GBF1: variants seen among roughly 807,000 people sequenced by gnomAD.
GBF1 encodes the protein Golgi-specific brefeldin A-resistance guanine nucleotide exchange factor 1.
GBF1 carries 114 observed loss-of-function variants against 210.5 expected under a neutral mutation model. The ratio of observed to expected loss-of-function variants is 0.54; its 90% CI spans 0.47 to 0.63. GBF1 has a LOEUF of 0.63. Among genes scored for constraint, GBF1 ranks in the 30% least tolerant of loss-of-function variants. The pLI, the probability that GBF1 is intolerant of heterozygous loss-of-function variation, is 0.00. For missense variants in GBF1, 1,851 were observed against 2,357.7 expected (o/e 0.79, Z 4.45); for synonymous variants, 850 against 889.2 (o/e 0.96, Z 0.78).
chr10:102,261,216 C>T (rs939380402), intron 3 of GBF1, among the ~76,000 whole-genome samples: 2 of 150,708 alleles, frequency 1.3e-5, no homozygotes, highest in African/African-American at 4.9e-5. Context: ...AGAGAATGTA[C>T]ACATTAAGTA....
intron 13 of GBF1, 47 bp from the exon 14 acceptor site, chr10:102,361,671 C>CT (rs940301752): frequency 3.0e-5 from 40 of 1,349,338 alleles, no homozygotes; most frequent in Non-Finnish European, 4.0e-5. Flanking sequence ...CTCTTCCTAT[C>CT]TTGAATCCTT....
At position 102,358,568 on chromosome 10, in the gene GBF1, G is replaced by A; in HGVS notation, c.850G>A (p.Ala284Thr). 1 of 1,614,094 alleles carries A rather than the reference G, an allele frequency of 6.2e-7. No individual in the cohort carries two copies. Among genetic ancestry groups the A allele is most frequent in the Non-Finnish European group, 8.5e-7 (1 of 1,179,958 alleles). Residue 284 changes from alanine (A) to threonine (T), a missense_variant, in exon 10 of 40, where the codon GCA becomes ACA. Transcript: ENST00000369983. ...ISSASSEAAS[A>T]VVSPSTDSGL... ...CTCTGCAAGTTCAGAAGCTGCCTCA[G>A]CAGTGGTCAGTCCCTCTACAGACAG...
chr10:102,258,188 T>A (rs896590211), intron 1 of GBF1, among the ~76,000 whole-genome samples: 2 of 140,330 alleles, frequency 1.4e-5, no homozygotes, highest in African/African-American at 5.2e-5. Context: ...GGAGTTTCAC[T>A]CTTGTTGCCC....
chr10:102,277,779 G>A (rs1275315145), intron 3 of GBF1, among the ~76,000 whole-genome samples: 1 of 151,800 alleles, frequency 6.6e-6, no homozygotes, highest in African/African-American at 2.4e-5. Flanking sequence ...AAGAAATTTA[G>A]CATTGATACA....
chr10:102,262,660 G>A (rs1357644239), intron 3 of GBF1, among the ~76,000 whole-genome samples: 1 of 152,154 alleles, frequency 6.6e-6, no homozygotes, highest in African/African-American at 2.4e-5. Context: ...CACATTTCCT[G>A]CCTGCTACTG....
At chr10:102,238,664 A>G in the GBF1 span, among the ~76,000 whole-genome samples, 1 of 152,236 alleles carries the variant, frequency 6.6e-6, no homozygotes, top group Admixed American at 6.5e-5. Flanking sequence ...CCATTTGCAG[A>G]GGGCCTTCAC....
chr10:102,292,631 G>C (rs1239279258), intron 3 of GBF1, among the ~76,000 whole-genome samples: 1 of 152,178 alleles, frequency 6.6e-6, no homozygotes, highest in Non-Finnish European at 1.5e-5. Context: ...GTCTCCTAAA[G>C]TGCTGGGATT....
chr10:102,267,367 C>T (rs1490027700), intron 3 of GBF1, among the ~76,000 whole-genome samples: 4 of 151,978 alleles, frequency 2.6e-5, no homozygotes, highest in Non-Finnish European at 5.9e-5. Context: ...TAGCCAGGTG[C>T]GGTGGCGCAT....
At chr10:102,360,537 C>A in intron 12 of GBF1, 142 bp downstream of exon 12, 1 of 624,732 alleles carries the variant, frequency 1.6e-6, no homozygotes, top group Non-Finnish European at 2.9e-6. Context: ...TAAGAGGGTT[C>A]CAGTAGTTCC....
intron 38 of GBF1, 107 bp downstream of exon 38, chr10:102,380,793 A>G: frequency 1.1e-6 from 1 of 951,268 alleles, no homozygotes; most frequent in Admixed American, 2.3e-5. Flanking sequence ...GGATCACCCG[A>G]GGGCAGGAAT....
Position 102,358,363 on chromosome 10 carries a change from G to A in GBF1, c.788-143G>A, listed in dbSNP as rs918240190. On this transcript the variant is annotated intron_variant, in intron 9 of 39. Coordinates refer to ENST00000369983, the MANE Select transcript of GBF1 (RefSeq NM_001377137.1). ...ATTCAGCAACTATGCAGTGACTTAA[G>A]GTTGTTCTCTGACAACTTTAGAGAC... 37 of 792,828 alleles carry A rather than the reference G, an allele frequency of 4.7e-5. No homozygotes were observed. The Middle Eastern group carries it at 1.8e-3, about 39-fold the overall frequency. The allele number at this position is 792,828 out of a possible 1,614,324, so 49.1% of individuals were successfully genotyped here.
Position 102,366,944 on chromosome 10 carries a change from T to G in GBF1, c.2434-141T>G, listed in dbSNP as rs1464364494. On this transcript the variant is annotated intron_variant, in intron 19 of 39. Coordinates refer to ENST00000369983, the MANE Select transcript of GBF1 (RefSeq NM_001377137.1). This position sits in a 1 kb window ranked among gnomAD's most constrained non-coding sequence, Gnocchi z 4.0. ...GTGACCTTTCCACAAAGAGATCAGCTTCTGTTAAGGAGTTGGCAAGAGACT... is the reference window on the plus strand; with the variant it reads ...GTGACCTTTCCACAAAGAGATCAGCGTCTGTTAAGGAGTTGGCAAGAGACT... The G allele has an allele frequency of 1.2e-6, 1 of 850,228 alleles. No homozygotes were observed. The highest frequency in any genetic ancestry group is 2.5e-5 in the East Asian group (1 of 40,460). 52.7% of individuals were successfully genotyped at this position (850,228 alleles called of 1,614,324 possible).
In GBF1 at chr10:102,366,838, G is replaced by A. The variant is rs1423505733; in HGVS notation, c.2434-247G>A. Among the ~76,000 whole-genome samples, 3 of 151,958 alleles carry A rather than the reference G, an allele frequency of 2.0e-5. No individual in the cohort carries two copies. Among genetic ancestry groups the A allele is most frequent in the African/African-American group, 7.3e-5 (3 of 41,352 alleles). ...TGATCTCGGGTGATCCGCCCACCTC[G>A]GCCTCCCTGAGTGCTGGGATTACAA... On this transcript the variant is annotated intron_variant, in intron 19 of 39. Coordinates refer to ENST00000369983, the MANE Select transcript of GBF1 (RefSeq NM_001377137.1). The surrounding 1 kb of genome is among the most constrained non-coding windows in gnomAD (Gnocchi z 4.0).
intron 38 of GBF1, 97 bp downstream of exon 38, chr10:102,380,783 G>T: frequency 9.7e-7 from 1 of 1,029,732 alleles, no homozygotes; most frequent in Admixed American, 2.3e-5. Context: ...CGAGGTGGGT[G>T]GATCACCCGA....
chr10:102,379,324 C>G lies in GBF1; in HGVS notation c.4535C>G (p.Ser1512Cys), dbSNP rs1048525658. 1 of 1,614,024 alleles carries G rather than the reference C, an allele frequency of 6.2e-7. No homozygotes were observed. The highest frequency in any genetic ancestry group is 1.3e-5 in the African/African-American group (1 of 75,028). Reference protein sequence around the residue: ...LMHTLHTRAASIYSSWAEEQR... With the variant: ...LMHTLHTRAACIYSSWAEEQR... ...CACACCCTGCACACGCGGGCAGCCT[C>G]TATCTACAGCTCATGGGCGGAGGAG... Residue 1512 changes from serine to cysteine, a missense_variant, in exon 34 of 40, where the codon TCT becomes TGT. Coordinates refer to ENST00000369983, the MANE Select transcript of GBF1 (RefSeq NM_001377137.1).
At position 102,343,554 on chromosome 10, in the gene GBF1, G is replaced by A. The variant is rs112990742; in HGVS notation, c.164-497G>A. Among the ~76,000 whole-genome samples the A allele has an allele frequency of 7.2e-5, 11 of 152,156 alleles. No individual in the cohort carries two copies. In the East Asian group the frequency reaches 7.7e-4, roughly 11 times the overall value. On this transcript the variant is annotated intron_variant, in intron 3 of 39. Transcript: ENST00000369983. The stretch of plus-strand genomic sequence containing the variant: ...TATTGTGGGCCAGGCACGGTGGCTC[G>A]CGCCTGTAATCCTAGCTCTTTGGGA...
intron 3 of GBF1, among the ~76,000 whole-genome samples, chr10:102,281,925 C>CTTTTCTTTTTTTTTTTTTT (rs1451242157): frequency 6.7e-6 from 1 of 149,034 alleles, no homozygotes. Context: ...TTTTTTCTTT[C>CTTTTCTTTTTTTTTTTTTT]TTTTCTTTTT....
chr10:102,299,976 C>A (rs1398301542), intron 3 of GBF1, among the ~76,000 whole-genome samples: 1 of 151,952 alleles, frequency 6.6e-6, no homozygotes, highest in Non-Finnish European at 1.5e-5. Flanking sequence ...ACTTTCACAC[C>A]ATCTGCATGG....
chr10:102,380,051 A>C, intron 36 of GBF1, 97 bp downstream of exon 36: 1 of 834,608 alleles, frequency 1.2e-6, no homozygotes, highest in Admixed American at 2.1e-5. Flanking sequence ...GATGCACTGT[A>C]GGTGCTCACA....
Sources: allele counts gnomAD v4.1 joint callset (sites outside exome capture counted in the v4.1 genomes callset), GRCh38; gene constraint gnomAD v4.1.1; non-coding constraint Gnocchi (gnomAD v3.1); transcripts MANE v1.5; gene names NCBI Gene and HGNC (gene_info 2026-07-23, HGNC 2026-07-21).